The following SLC8A3 variants were observed in gnomAD, a reference collection of about 807,000 sequenced individuals.
SLC8A3 encodes the protein solute carrier family 8 member A3.
In SLC8A3, 37 loss-of-function variants were observed where a neutral mutation model predicts 65.4. The ratio of observed to expected loss-of-function variants is 0.57; its 90% CI spans 0.44 to 0.74. The LOEUF (loss-of-function observed/expected upper bound fraction) is 0.74. Ranked by LOEUF, SLC8A3 falls within the 30% of genes least tolerant of loss-of-function variation. The probability of loss-of-function intolerance (pLI) is 0.00; values close to 1 mark genes in which losing one functional copy is unlikely to be tolerated. For synonymous variants in SLC8A3, 461 were observed against 444.5 expected (o/e 1.04, Z -0.47); for missense variants, 1,112 against 1,172.1 (o/e 0.95, Z 0.75).
At chr14:70,098,128 C>T (rs1892310375) in intron 2 of SLC8A3, among the ~76,000 whole-genome samples, 1 of 152,146 alleles carries the variant, frequency 6.6e-6, no homozygotes, top group South Asian at 2.1e-4. Flanking sequence ...AAAGGGAGAT[C>T]AGAGGTTCCC....
chr14:70,099,864 G>C (rs1422465684), intron 2 of SLC8A3, among the ~76,000 whole-genome samples: 1 of 152,214 alleles, frequency 6.6e-6, no homozygotes, highest in Non-Finnish European at 1.5e-5. Context: ...CCTAAAGCCA[G>C]AATCTGCTGC....
chr14:70,167,909 C>T lies in SLC8A3; in HGVS notation c.514G>A (p.Gly172Arg), dbSNP rs1481017151. The change falls in exon 2 of 7, where the codon GGG (glycine) becomes AGG (arginine). Residue 172 changes from glycine (G) to arginine (R), a missense_variant. Physicochemically the swap from Gly to Arg is moderately radical, Grantham distance 125 (BLOSUM62 -2). Transcript: ENST00000356921. ...AGDLGPSTIV[G>R]SAAFNMFIII... ...ATGAACATGTTGAAGGCTGCACTCC[C>T]TACAATGGTAGAAGGTCCCAGATCA... 6.2e-7 allele frequency: 1 copy of T among 1,614,114 alleles called. No homozygotes were observed. Among genetic ancestry groups the T allele is most frequent in the South Asian group, 1.1e-5 (1 of 91,072 alleles).
intron 2 of SLC8A3, among the ~76,000 whole-genome samples, chr14:70,062,495 G>T (rs1050660508): frequency 6.6e-6 from 1 of 152,162 alleles, no homozygotes; most frequent in African/African-American, 2.4e-5. Context: ...TTCAGTACAA[G>T]CACATGCTGT....
intron 2 of SLC8A3, among the ~76,000 whole-genome samples, chr14:70,138,094 T>G (rs112934687): frequency 6.6e-6 from 1 of 152,048 alleles, no homozygotes; most frequent in South Asian, 2.1e-4. Flanking sequence ...GACGGGAGTG[T>G]CCCTGCTCAC....
At chr14:70,066,678 G>T (rs1161052254) in intron 2 of SLC8A3, among the ~76,000 whole-genome samples, 2 of 152,192 alleles carry the variant, frequency 1.3e-5, no homozygotes, top group African/African-American at 2.4e-5. Context: ...AGCCATGGTG[G>T]TGCATGCCTG....
At chr14:70,130,989 A>C (rs905732900) in intron 2 of SLC8A3, among the ~76,000 whole-genome samples, 1 of 152,230 alleles carries the variant, frequency 6.6e-6, no homozygotes, top group African/African-American at 2.4e-5. Context: ...TAGATGAAGT[A>C]GATCAAGGAG....
At chr14:70,104,709 G>A (rs1892741884) in intron 2 of SLC8A3, among the ~76,000 whole-genome samples, 1 of 151,886 alleles carries the variant, frequency 6.6e-6, no homozygotes, top group African/African-American at 2.4e-5. Context: ...ACAGCCTATG[G>A]GCCAAAGAAG....
chr14:70,143,914 C>G (rs1410359321), intron 2 of SLC8A3, among the ~76,000 whole-genome samples: 1 of 152,194 alleles, frequency 6.6e-6, no homozygotes, highest in Non-Finnish European at 1.5e-5. Context: ...GTGAGCACTT[C>G]CCCTGCATTT....
intron 4 of SLC8A3, among the ~76,000 whole-genome samples, chr14:70,051,785 T>G (rs1433308669): frequency 6.6e-6 from 1 of 152,226 alleles, no homozygotes. Flanking sequence ...TATATTATGT[T>G]TCCTAACAAT....
chr14:70,049,772 T>C (rs774829485), intron 5 of SLC8A3, among the ~76,000 whole-genome samples: 1 of 152,228 alleles, frequency 6.6e-6, no homozygotes, highest in Non-Finnish European at 1.5e-5. Context: ...GCAATAACCA[T>C]TGTGGTTCTG....
intron 2 of SLC8A3, among the ~76,000 whole-genome samples, chr14:70,154,106 C>G (rs1418581166): frequency 6.6e-6 from 1 of 152,198 alleles, no homozygotes; most frequent in African/African-American, 2.4e-5. Context: ...CCCAGTTACC[C>G]CTATGTTAAA....
At chr14:70,053,888 C>T (rs1017971830) in intron 3 of SLC8A3, among the ~76,000 whole-genome samples, 2 of 152,098 alleles carry the variant, frequency 1.3e-5, no homozygotes, top group African/African-American at 2.4e-5. Context: ...ATAATTCCTG[C>T]CTTTTTCTAT....
At chr14:70,152,124 T>C (rs1566814472) in intron 2 of SLC8A3, among the ~76,000 whole-genome samples, 1 of 152,016 alleles carries the variant, frequency 6.6e-6, no homozygotes, top group Non-Finnish European at 1.5e-5. Flanking sequence ...AGGACTCGAG[T>C]AAACCTGGGC....
At chr14:70,049,549 G>A (rs909121805) in intron 5 of SLC8A3, among the ~76,000 whole-genome samples, 7 of 152,012 alleles carry the variant, frequency 4.6e-5, no homozygotes, top group African/African-American at 1.7e-4. Context: ...GTTGATGGGT[G>A]CAGCAAACCG....
chr14:70,131,097 A>T (rs1283832742), intron 2 of SLC8A3, among the ~76,000 whole-genome samples: 1 of 152,196 alleles, frequency 6.6e-6, no homozygotes, highest in East Asian at 1.9e-4. Flanking sequence ...AAAGAGTGAG[A>T]TGCAGAATGA....
chr14:70,065,443 G>A (rs1470389369), intron 2 of SLC8A3, among the ~76,000 whole-genome samples: 2 of 152,104 alleles, frequency 1.3e-5, no homozygotes, highest in Non-Finnish European at 2.9e-5. Flanking sequence ...TAGAAAGCCC[G>A]TGGCTCTTCA....
chr14:70,084,303 T>C (rs1335781993), intron 2 of SLC8A3, among the ~76,000 whole-genome samples: 1 of 152,224 alleles, frequency 6.6e-6, no homozygotes, highest in East Asian at 1.9e-4. Flanking sequence ...CTATTTGCTT[T>C]CCTAAAAGCG....
At chr14:70,081,576 G>A (rs1891055318) in intron 2 of SLC8A3, among the ~76,000 whole-genome samples, 1 of 152,166 alleles carries the variant, frequency 6.6e-6, no homozygotes, top group Admixed American at 6.5e-5. Flanking sequence ...AGGCTATGTG[G>A]GTCATCAAGG....
intron 1 of SLC8A3, among the ~76,000 whole-genome samples, chr14:70,172,357 T>A (rs971169409): frequency 6.6e-6 from 1 of 152,232 alleles, no homozygotes; most frequent in African/African-American, 2.4e-5. Flanking sequence ...AAGGAAATAG[T>A]AGAACTAGAA....
Sources: gnomAD v4.1 joint callset for allele counts (sites outside exome capture counted in the v4.1 genomes callset) on GRCh38, gnomAD v4.1.1 for gene constraint, MANE v1.5 for transcripts, NCBI Gene and HGNC (gene_info 2026-07-23, HGNC 2026-07-21) for gene names.